Variants in PDE7A observed in about 807,000 individuals in gnomAD.
PDE7A encodes phosphodiesterase 7A.
In PDE7A, 39 loss-of-function variants were observed where a neutral mutation model predicts 64.3. That is an observed-to-expected ratio of 0.61 (90% confidence interval 0.47 to 0.79). PDE7A has a LOEUF of 0.79. Among genes scored for constraint, PDE7A ranks in the 30% least tolerant of loss-of-function variants. PDE7A has a pLI of 0.00. For synonymous variants in PDE7A, 203 were observed against 206.8 expected (o/e 0.98, Z 0.16); for missense variants, 470 against 582.8 (o/e 0.81, Z 1.99).
rs150265219 is a variant in PDE7A at position 65,716,421 on chromosome 8, G to A, written c.*2869C>T. Reference sequence around the variant, plus strand: ...GGTAATGACGTTATTTAATGCATGTGCCAATCAGAAGCTGATGTAGAGAAG... The same window carrying A: ...GGTAATGACGTTATTTAATGCATGTACCAATCAGAAGCTGATGTAGAGAAG... On this transcript the variant is annotated 3_prime_UTR_variant, in exon 13 of 13. Coordinates refer to ENST00000401827, the MANE Select transcript of PDE7A (RefSeq NM_001242318.3). Among the ~76,000 whole-genome samples, 664 of 152,244 alleles carry A rather than the reference G, an allele frequency of 4.4e-3. 16 individuals are homozygous for A. Among genetic ancestry groups the A allele is most frequent in the Admixed American group, 0.037 (563 of 15,282 alleles).
intron 3 of PDE7A, chr8:65,771,022 C>A: frequency 2.6e-6 from 1 of 379,122 alleles, no homozygotes; most frequent in Non-Finnish European, 5.2e-6. Context: ...ATTTATAAGC[C>A]TTAAGAGAAT....
chr8:65,730,275 G>T (rs1189819540), intron 7 of PDE7A, among the ~76,000 whole-genome samples: 1 of 135,486 alleles, frequency 7.4e-6, no homozygotes, highest in Non-Finnish European at 1.5e-5. Flanking sequence ...CCACCTCCCG[G>T]GTTTAAGTGA....
intron 3 of PDE7A, among the ~76,000 whole-genome samples, chr8:65,763,153 A>C (rs2128915595): frequency 6.6e-6 from 1 of 152,222 alleles, no homozygotes; most frequent in Non-Finnish European, 1.5e-5. Context: ...TCCCAAAAGA[A>C]TTGCTTAAGG....
At chr8:65,836,867 C>T (rs1197684936) in intron 1 of PDE7A, among the ~76,000 whole-genome samples, 1 of 152,210 alleles carries the variant, frequency 6.6e-6, no homozygotes, top group Non-Finnish European at 1.5e-5. Flanking sequence ...GAAAGTTCTA[C>T]TGGACATCTC....
At position 65,747,658 on chromosome 8, in the gene PDE7A, T is replaced by C. The variant is rs1219241071; in HGVS notation, c.429A>G (p.Gln143=). The part of the protein sequence containing the change: ...LNILDDDYNG[Q]AKCMLEKVGN... The stretch of plus-strand genomic sequence containing the variant: ...TTAAAAAAACTATACACACCTTGGC[T>C]TGTCCATTATAATCATCATCTAAAA... Residue 143 remains glutamine, a synonymous_variant, in exon 4 of 13, where the codon CAA becomes CAG. Transcript: ENST00000401827. The C allele has an allele frequency of 6.2e-7, 1 of 1,604,136 alleles. No individual in the cohort carries two copies. Among genetic ancestry groups the C allele is most frequent in the Non-Finnish European group, 8.5e-7 (1 of 1,173,800 alleles).
chr8:65,763,668 C>CA (rs1181148907), intron 3 of PDE7A, among the ~76,000 whole-genome samples: 3 of 152,210 alleles, frequency 2.0e-5, no homozygotes, highest in Non-Finnish European at 2.9e-5. Context: ...TGCTGAAACT[C>CA]AGACGCTGAA....
chr8:65,742,119 C>A (rs1320916802), intron 5 of PDE7A, among the ~76,000 whole-genome samples: 1 of 152,088 alleles, frequency 6.6e-6, no homozygotes, highest in African/African-American at 2.4e-5. Context: ...CACAGAAGAA[C>A]TTTTTAAAAA....
At chr8:65,735,941 T>C (rs1004895520) in intron 6 of PDE7A, among the ~76,000 whole-genome samples, 2 of 152,082 alleles carry the variant, frequency 1.3e-5, no homozygotes, top group African/African-American at 4.8e-5. Context: ...GTTTTATAAT[T>C]TATATTTTTA....
chr8:65,799,890 TAAATAGC>T (rs1177654568), intron 1 of PDE7A, among the ~76,000 whole-genome samples: 2 of 152,190 alleles, frequency 1.3e-5, no homozygotes, highest in African/African-American at 4.8e-5. Context: ...CTATTCAAAC[TAAATAGC>T]AGCCCCTGAA....
intron 1 of PDE7A, 101 bp downstream of exon 1, chr8:65,841,270 G>C: frequency 7.8e-7 from 1 of 1,276,770 alleles, no homozygotes; most frequent in Non-Finnish European, 1.0e-6. Context: ...CCAGACAATG[G>C]ACAATGCGCG....
chr8:65,774,498 CAT>C (rs1243305983), intron 3 of PDE7A, among the ~76,000 whole-genome samples: 2 of 152,050 alleles, frequency 1.3e-5, no homozygotes, highest in Admixed American at 1.3e-4. Flanking sequence ...CTTTCTCTAA[CAT>C]ATTGGTTCTC....
rs143763201 is a variant in PDE7A, at chr8:65,785,254, G to A, written c.139-2411C>T. Among the ~76,000 whole-genome samples the A allele has an allele frequency of 3.4e-3, 514 of 152,246 alleles. 10 individuals are homozygous for A. The highest frequency in any genetic ancestry group is 0.03 in the Admixed American group (458 of 15,302). ...CTCCAAGGAGGCTGAGGGATACAGA[G>A]GTAGGAGAGGGGCTTTTCAATGTTT... On this transcript the variant is annotated intron_variant, in intron 1 of 12. Transcript: ENST00000401827.
At chr8:65,766,518 T>A (rs1808792795) in intron 3 of PDE7A, among the ~76,000 whole-genome samples, 1 of 152,176 alleles carries the variant, frequency 6.6e-6, no homozygotes, top group Non-Finnish European at 1.5e-5. Flanking sequence ...TAGTAAAAAA[T>A]GATGCTTAGG....
At position 65,838,177 on chromosome 8, in the gene PDE7A, G is replaced by A. The variant is rs144553498; in HGVS notation, c.138+3194C>T. ...TGAATAATTCTAACTGCAGTGCTTT[G>A]GCATACCCATCAATGTACTCACTCA... On this transcript the variant is annotated intron_variant, in intron 1 of 12. Transcript: ENST00000401827. 1.9e-4 allele frequency among the ~76,000 whole-genome samples: 29 copies of A among 152,182 alleles called. No homozygotes were observed. In the East Asian group the frequency reaches 5.4e-3, roughly 28 times the overall value.
intron 3 of PDE7A, among the ~76,000 whole-genome samples, chr8:65,776,913 G>A (rs1480563568): frequency 6.6e-6 from 1 of 152,124 alleles, no homozygotes; most frequent in African/African-American, 2.4e-5. Flanking sequence ...GATGATGAAA[G>A]ATATTCTTGA....
At chr8:65,826,196 T>G (rs994263763) in intron 1 of PDE7A, among the ~76,000 whole-genome samples, 1 of 152,186 alleles carries the variant, frequency 6.6e-6, no homozygotes, top group Non-Finnish European at 1.5e-5. Flanking sequence ...GAAAAGGAGT[T>G]TGAATTGTGT....
chr8:65,791,758 G>A (rs1030017359), intron 1 of PDE7A, among the ~76,000 whole-genome samples: 1 of 152,108 alleles, frequency 6.6e-6, no homozygotes, highest in African/African-American at 2.4e-5. Flanking sequence ...GCCTGAAGTC[G>A]TAAAGCTTTC....
chr8:65,834,309 T>C (rs768624986), intron 1 of PDE7A, among the ~76,000 whole-genome samples: 2 of 152,212 alleles, frequency 1.3e-5, no homozygotes, highest in Non-Finnish European at 2.9e-5. Flanking sequence ...TTCTTTTCTC[T>C]AGCTTGCTTT....
chr8:65,784,437 TC>T (rs1175570324), intron 1 of PDE7A, among the ~76,000 whole-genome samples: 1 of 152,140 alleles, frequency 6.6e-6, no homozygotes, highest in Non-Finnish European at 1.5e-5. Flanking sequence ...ATTATTACCT[TC>T]CTGCTCCAAA....
Sources: gnomAD v4.1 joint callset for allele counts (sites outside exome capture counted in the v4.1 genomes callset) on GRCh38, gnomAD v4.1.1 for gene constraint, MANE v1.5 for transcripts, NCBI Gene and HGNC (gene_info 2026-07-23, HGNC 2026-07-21) for gene names.